FOXO3: variants seen among roughly 807,000 people sequenced by gnomAD.
FOXO3 encodes the protein forkhead box protein O3.
FOXO3 carries 4 observed loss-of-function variants against 41.9 expected under a neutral mutation model. The ratio of observed to expected loss-of-function variants is 0.10; its 90% confidence interval spans 0.05 to 0.22. The LOEUF (loss-of-function observed/expected upper bound fraction) is 0.22, where lower values mean the gene tolerates loss of function less well. Among genes scored for constraint, FOXO3 ranks in the 10% least tolerant of loss-of-function variants. FOXO3 has a pLI of 1.00. For missense variants in FOXO3, 534 were observed against 906.8 expected (o/e 0.59, Z 5.28); for synonymous variants, 318 against 389.3 (o/e 0.82, Z 2.16).
intron 1 of FOXO3, among the ~76,000 whole-genome samples, chr6:108,622,343 T>A (rs1377785540): frequency 1.3e-5 from 2 of 151,676 alleles, no homozygotes; most frequent in Non-Finnish European, 2.9e-5. Flanking sequence ...AGCGAAGCTT[T>A]CTATCTTGCT....
intron 1 of FOXO3, among the ~76,000 whole-genome samples, chr6:108,625,880 T>TAC (rs1235031221): frequency 6.6e-6 from 1 of 152,210 alleles, no homozygotes; most frequent in Non-Finnish European, 1.5e-5. Flanking sequence ...AGGTCCTCAG[T>TAC]ACATTGAGGT....
chr6:108,675,114 C>T (rs1314823672), intron 2 of FOXO3, among the ~76,000 whole-genome samples: 1 of 152,092 alleles, frequency 6.6e-6, no homozygotes, highest in African/African-American at 2.4e-5. Flanking sequence ...TTATCTGTCC[C>T]TATCTCTGAT....
intron 1 of FOXO3, among the ~76,000 whole-genome samples, chr6:108,614,038 AC>A (rs1478709470): frequency 1.3e-5 from 2 of 152,120 alleles, no homozygotes; most frequent in Non-Finnish European, 2.9e-5. Context: ...TTTTTCTATT[AC>A]TGTTTTCTAA....
chr6:108,589,569 C>T (rs1042325282), intron 1 of FOXO3, among the ~76,000 whole-genome samples: 3 of 152,192 alleles, frequency 2.0e-5, no homozygotes, highest in South Asian at 2.1e-4. Context: ...CAGCCTTTTC[C>T]GGGTTTCCAG....
At position 108,680,455 on chromosome 6, in the gene FOXO3, T is replaced by G. The variant is rs1190986304; in HGVS notation, c.*663T>G. 6.6e-6 allele frequency: 1 copy of G among 152,260 alleles called. No homozygotes were observed. The highest frequency in any genetic ancestry group is 1.5e-5 in the Non-Finnish European group (1 of 68,032). The allele number at this position is 152,260 out of a possible 1,614,324, so 9.4% of individuals were successfully genotyped here. A position where few individuals can be genotyped will look rare whatever the true frequency, so the allele number is the denominator to read the frequency against. On this transcript the variant is annotated 3_prime_UTR_variant, in exon 3 of 3. Coordinates refer to ENST00000406360, the MANE Select transcript of FOXO3 (RefSeq NM_001455.4). ...TGAACAATGGCACAATTGTTTGCTA[T>G]GTGCACCCGTCCAGGACAGAACCGT...
intron 1 of FOXO3, among the ~76,000 whole-genome samples, chr6:108,617,282 T>C (rs939942465): frequency 4.6e-5 from 7 of 152,232 alleles, no homozygotes; most frequent in Non-Finnish European, 1.0e-4. Flanking sequence ...GTCTCATTTC[T>C]GGGTCTGTTA....
In FOXO3 at chr6:108,568,215, CTTT is replaced by C. The variant is rs556107505; in HGVS notation, c.621+6400_621+6402del. 3.6e-5 allele frequency among the ~76,000 whole-genome samples: 5 copies of C among 140,218 alleles called. No individual in the cohort carries two copies. The South Asian group carries it at 9.1e-4, about 25-fold the overall frequency. The allele number at this position is 140,218 out of a possible 152,430, so 92.0% of individuals were successfully genotyped here. A position where few individuals can be genotyped will look rare whatever the true frequency, so the allele number is the denominator to read the frequency against. ...TGACAGAGTGAGACCCTCTCTCTCT[CTTT>C]TTTTTTTTTTTTTAAAGCGTGTGTT... On this transcript the variant is annotated intron_variant, in intron 1 of 2. Coordinates refer to ENST00000406360, the MANE Select transcript of FOXO3 (RefSeq NM_001455.4).
chr6:108,560,992 T>A lies in FOXO3; in HGVS notation c.-217T>A, dbSNP rs1775765089. Reference sequence around the variant, plus strand: ...TCCTGGGAGGCGGGCGCGGCAGGACTGGGAGGTGGCGGCAGCGGGCGAGGA... The same window carrying A: ...TCCTGGGAGGCGGGCGCGGCAGGACAGGGAGGTGGCGGCAGCGGGCGAGGA... On this transcript the variant is annotated 5_prime_UTR_variant, in exon 1 of 3. Transcript: ENST00000406360. 1 of 1,364,764 alleles carries A rather than the reference T, an allele frequency of 7.3e-7. No individual in the cohort carries two copies. Among genetic ancestry groups the A allele is most frequent in the South Asian group, 1.8e-5 (1 of 55,750 alleles). 84.5% of individuals were successfully genotyped at this position (1,364,764 alleles called of 1,614,324 possible). A position where few individuals can be genotyped will look rare whatever the true frequency, so the allele number is the denominator to read the frequency against.
intron 1 of FOXO3, among the ~76,000 whole-genome samples, chr6:108,645,589 A>G (rs764843633): frequency 6.6e-6 from 1 of 152,290 alleles, no homozygotes; most frequent in South Asian, 2.1e-4. Flanking sequence ...GAGAACTTCT[A>G]AAACTTCAGG....
In FOXO3 at chr6:108,627,199, C is replaced by T. The variant is rs141351384; in HGVS notation, c.622-36256C>T. 4.6e-5 allele frequency among the ~76,000 whole-genome samples: 7 copies of T among 152,272 alleles called. No individual in the cohort carries two copies. The East Asian group carries it at 1.4e-3, about 29-fold the overall frequency. ...TGTCCTAGTCTGCCCTCACATATCC[C>T]TGGAATGGACACATACAGGCTGGTC... On this transcript the variant is annotated intron_variant, in intron 1 of 2. Coordinates refer to ENST00000406360, the MANE Select transcript of FOXO3 (RefSeq NM_001455.4).
intron 1 of FOXO3, among the ~76,000 whole-genome samples, chr6:108,650,556 A>G (rs1243218797): frequency 6.6e-6 from 1 of 152,214 alleles, no homozygotes; most frequent in Admixed American, 6.5e-5. Context: ...TTTACCTAGC[A>G]TGTACATGAA....
At chr6:108,616,368 A>G (rs1023236012) in intron 1 of FOXO3, among the ~76,000 whole-genome samples, 3 of 151,896 alleles carry the variant, frequency 2.0e-5, no homozygotes, top group African/African-American at 7.2e-5. Context: ...TCACCATGTT[A>G]GCCAAGATGG....
At chr6:108,617,838 T>A (rs923645166) in intron 1 of FOXO3, among the ~76,000 whole-genome samples, 2 of 152,192 alleles carry the variant, frequency 1.3e-5, no homozygotes, top group African/African-American at 4.8e-5. Context: ...ACCAGTTACT[T>A]TTATGTACAG....
At chr6:108,629,081 C>T (rs1777889372) in intron 1 of FOXO3, among the ~76,000 whole-genome samples, 2 of 151,916 alleles carry the variant, frequency 1.3e-5, no homozygotes, top group South Asian at 4.2e-4. Flanking sequence ...AAATCCTAGT[C>T]GAGGATTAAG....
intron 1 of FOXO3, among the ~76,000 whole-genome samples, chr6:108,642,090 T>G (rs1281908052): frequency 7.6e-5 from 2 of 26,332 alleles, no homozygotes; most frequent in Non-Finnish European, 3.2e-4. Flanking sequence ...GCTTTTGGTG[T>G]TTTTTTTTTT....
At chr6:108,579,231 T>A (rs1414697842) in intron 1 of FOXO3, among the ~76,000 whole-genome samples, 1 of 152,208 alleles carries the variant, frequency 6.6e-6, no homozygotes, top group Non-Finnish European at 1.5e-5. Context: ...TCCAAGATGA[T>A]ATGGCTTGAG....
At chr6:108,668,819 A>G (rs534075571) in intron 2 of FOXO3, among the ~76,000 whole-genome samples, 63 of 152,284 alleles carry the variant, frequency 4.1e-4, no homozygotes, top group South Asian at 1.9e-3. Context: ...TTAAAGGTGC[A>G]TAGTATGTAT....
chr6:108,602,699 A>G (rs1221571544), intron 1 of FOXO3, among the ~76,000 whole-genome samples: 2 of 151,756 alleles, frequency 1.3e-5, no homozygotes, highest in Non-Finnish European at 2.9e-5. Context: ...TTATTTTTTT[A>G]TAATAGATGT....
chr6:108,616,490 G>A (rs911935277), intron 1 of FOXO3, among the ~76,000 whole-genome samples: 4 of 152,140 alleles, frequency 2.6e-5, no homozygotes, highest in Admixed American at 6.5e-5. Flanking sequence ...TAGAAATGGG[G>A]TTTCGCTGTG....
Sources: allele counts gnomAD v4.1 joint callset (sites outside exome capture counted in the v4.1 genomes callset), GRCh38; gene constraint gnomAD v4.1.1; transcripts MANE v1.5; gene names NCBI Gene and HGNC (gene_info 2026-07-23, HGNC 2026-07-21).